The following SIM2 variants were observed in gnomAD, a reference collection of about 807,000 sequenced individuals.
The protein encoded by SIM2 is single-minded homolog 2.
In SIM2, 28 loss-of-function variants were observed where a neutral mutation model predicts 64.8. That is an observed-to-expected ratio of 0.43 (90% CI 0.32 to 0.59). The LOEUF (loss-of-function observed/expected upper bound fraction) is 0.59. SIM2 is among the 20% of genes least tolerant of loss of function. The pLI, the probability that SIM2 is intolerant of heterozygous loss-of-function variation, is 0.07. For synonymous variants in SIM2, 408 were observed against 391.1 expected (o/e 1.04, Z -0.51); for missense variants, 847 against 871.4 (o/e 0.97, Z 0.35).
Position 36,748,077 on chromosome 21 carries a change from C to G in SIM2, c.1989C>G (p.Ile663Met). 1 of 1,205,622 alleles carries G rather than the reference C, an allele frequency of 8.3e-7. No homozygotes were observed. Among genetic ancestry groups the G allele is most frequent in the Non-Finnish European group, 1.0e-6 (1 of 971,042 alleles). The allele number at this position is 1,205,622 out of a possible 1,614,324, so 74.7% of individuals were successfully genotyped here. The part of the protein sequence containing the change: ...LPHYLGASVI[I>M]TNGR ...ACTACCTGGGCGCCTCGGTCATCAT[C>G]ACCAACGGGAGGTGACCCGCTGGCC... The change falls in exon 11 of 11, where the codon ATC becomes ATG. Residue 663 changes from isoleucine (I) to methionine (M), a missense_variant. This residue lies in a region of SIM2 where 447 missense variants were observed against 414.6 expected (regional missense o/e 1.08). Transcript: ENST00000290399.
At chr21:36,746,114 G>T in intron 10 of SIM2, 1 of 462,992 alleles carries the variant, frequency 2.2e-6, no homozygotes, top group Non-Finnish European at 3.0e-6. Flanking sequence ...TCAGGAGTTT[G>T]CGACAAGCCT....
intron 9 of SIM2, among the ~76,000 whole-genome samples, chr21:36,744,438 CAAAG>C (rs1339445945): frequency 1.2e-4 from 17 of 145,868 alleles, no homozygotes; most frequent in Non-Finnish European, 1.8e-4. Context: ...GAAAGAAAAA[CAAAG>C]AAAGAAAGAG....
intron 8 of SIM2, among the ~76,000 whole-genome samples, chr21:36,742,209 A>G (rs1346724651): frequency 2.0e-5 from 3 of 151,118 alleles, no homozygotes; most frequent in African/African-American, 7.3e-5. Flanking sequence ...GAGGGTGCAC[A>G]CCCCCCATCA....
intron 3 of SIM2, among the ~76,000 whole-genome samples, chr21:36,712,946 A>G (rs1416600920): frequency 6.6e-6 from 1 of 152,210 alleles, no homozygotes; most frequent in Non-Finnish European, 1.5e-5. Flanking sequence ...AGCTCCACAA[A>G]GGGACATGTT....
At chr21:36,725,338 C>A (rs1330238510) in intron 5 of SIM2, among the ~76,000 whole-genome samples, 2 of 151,944 alleles carry the variant, frequency 1.3e-5, no homozygotes, top group African/African-American at 4.8e-5. Flanking sequence ...GACAGTGAGA[C>A]CTTGTCTAAA....
At chr21:36,739,320 T>A (rs907188638) in intron 7 of SIM2, among the ~76,000 whole-genome samples, 1 of 152,172 alleles carries the variant, frequency 6.6e-6, no homozygotes, top group African/African-American at 2.4e-5. Context: ...TAGTCTAGGA[T>A]CACACAGTTT....
intron 1 of SIM2, among the ~76,000 whole-genome samples, chr21:36,705,604 C>A (rs938030723): frequency 6.6e-6 from 1 of 152,170 alleles, no homozygotes; most frequent in Non-Finnish European, 1.5e-5. Flanking sequence ...GGTTAGAGGT[C>A]GGGCCCTTCT....
intron 5 of SIM2, among the ~76,000 whole-genome samples, chr21:36,725,534 T>C (rs532540188): frequency 6.6e-6 from 1 of 152,326 alleles, no homozygotes; most frequent in African/African-American, 2.4e-5. Flanking sequence ...AGTGAGCTCA[T>C]ATGTATATCT....
chr21:36,741,709 G>A lies in SIM2; in HGVS notation c.851-8G>A. 6.2e-7 allele frequency: 1 copy of A among 1,612,146 alleles called. No homozygotes were observed. The highest frequency in any genetic ancestry group is 8.5e-7 in the Non-Finnish European group (1 of 1,179,874). ...CGTCTGAGGACTCCTGTCACCTTGT[G>A]CTTGCAGTGTTGGTGAAGGGCCAGG... On this transcript the variant is annotated splice_polypyrimidine_tract_variant and splice_region_variant and intron_variant, in intron 7 of 10. Coordinates refer to ENST00000290399, the MANE Select transcript of SIM2 (RefSeq NM_005069.6).
At chr21:36,725,182 C>T (rs1201017303) in intron 5 of SIM2, among the ~76,000 whole-genome samples, 2 of 151,892 alleles carry the variant, frequency 1.3e-5, no homozygotes, top group East Asian at 3.9e-4. Flanking sequence ...CTTGTCTCTA[C>T]AAAAAATTTT....
chr21:36,736,859 T>TTTCTCTTTC (rs1555876893), intron 7 of SIM2, among the ~76,000 whole-genome samples: 5 of 26,886 alleles, frequency 1.9e-4, no homozygotes, highest in Admixed American at 1.4e-3. Flanking sequence ...TCTTTCTTTC[T>TTTCTCTTTC]TTTTCTTTCT....
rs763647474 is a variant in SIM2 at position 36,709,215 on chromosome 21, G to A, written c.223G>A (p.Gly75Ser). 1 of 1,610,170 alleles carries A rather than the reference G, an allele frequency of 6.2e-7. No homozygotes were observed. The highest frequency in any genetic ancestry group is 8.5e-7 in the Non-Finnish European group (1 of 1,178,746). ...GCCGAGCCGCGCCGGGCCCCTGGAC[G>A]GCGTCGCCAAGGAGCTGGGATCGCA... ...GQPSRAGPLD[G>S]VAKELGSHLL... Residue 75 changes from glycine to serine, a missense_variant, in exon 2 of 11, where the codon GGC (glycine) becomes AGC (serine). This residue lies in a region of SIM2 where 397 missense variants were observed against 439.2 expected (regional missense o/e 0.90). Coordinates refer to ENST00000290399, the MANE Select transcript of SIM2 (RefSeq NM_005069.6).
In SIM2 at chr21:36,745,399, G is replaced by A. The variant is rs527848385; in HGVS notation, c.1576+263G>A. On this transcript the variant is annotated intron_variant, in intron 10 of 10. Coordinates refer to ENST00000290399, the MANE Select transcript of SIM2 (RefSeq NM_005069.6). The surrounding 1 kb of genome is among the most constrained non-coding windows in gnomAD (Gnocchi z 4.8). ...GGAAAACCGAGTATCTGGCCTTCAC[G>A]TAAATCCTGGCCACATTCACCAACC... 19 of 1,345,412 alleles carry A rather than the reference G, an allele frequency of 1.4e-5. No individual in the cohort carries two copies. The highest frequency in any genetic ancestry group is 7.4e-5 in the African/African-American group (5 of 67,746). The allele number at this position is 1,345,412 out of a possible 1,614,324, so 83.3% of individuals were successfully genotyped here. A position where few individuals can be genotyped will look rare whatever the true frequency, so the allele number is the denominator to read the frequency against.
chr21:36,702,343 G>A (rs2088512704), intron 1 of SIM2, among the ~76,000 whole-genome samples: 2 of 152,206 alleles, frequency 1.3e-5, no homozygotes, highest in South Asian at 4.1e-4. Flanking sequence ...TTTGGAAAGG[G>A]CCCTGAACCT....
chr21:36,722,439 C>T (rs959198363), intron 4 of SIM2, among the ~76,000 whole-genome samples: 3 of 152,212 alleles, frequency 2.0e-5, no homozygotes, highest in South Asian at 2.1e-4. Flanking sequence ...GGAGTGACCT[C>T]GCCCTCCCTT....
At chr21:36,722,931 T>A (rs1024789267) in intron 4 of SIM2, 114 bp from the exon 5 acceptor site, 4 of 805,626 alleles carry the variant, frequency 5.0e-6, no homozygotes, top group South Asian at 3.0e-5. Context: ...CTGGGCACAC[T>A]GAGAAGGCCT....
At chr21:36,709,402 A>C (rs1277344307) in intron 2 of SIM2, 152 bp downstream of exon 2, 1 of 724,892 alleles carries the variant, frequency 1.4e-6, no homozygotes. Flanking sequence ...CTGCGGAGGG[A>C]TGGACGCTTA....
chr21:36,724,303 G>A (rs948922337), intron 5 of SIM2, among the ~76,000 whole-genome samples: 5 of 152,248 alleles, frequency 3.3e-5, no homozygotes, highest in Admixed American at 2.6e-4. Context: ...TTAAGGGACA[G>A]GGTCTTGCTC....
At chr21:36,727,849 G>A (rs1378980510) in intron 6 of SIM2, among the ~76,000 whole-genome samples, 1 of 151,804 alleles carries the variant, frequency 6.6e-6, no homozygotes, top group Non-Finnish European at 1.5e-5. Context: ...ATTTATTGAT[G>A]TTCTATAGAG....
Sources: allele counts gnomAD v4.1 joint callset (sites outside exome capture counted in the v4.1 genomes callset), GRCh38; gene constraint gnomAD v4.1.1; regional missense constraint gnomAD v4.1.1; non-coding constraint Gnocchi (gnomAD v3.1); transcripts MANE v1.5; gene names NCBI Gene and HGNC (gene_info 2026-07-23, HGNC 2026-07-21).